Variants in SAMD12 observed in about 807,000 individuals in gnomAD.
SAMD12 encodes sterile alpha motif domain containing 12, also known as sterile alpha motif domain-containing protein 12.
In SAMD12, 9 loss-of-function variants were observed where a neutral mutation model predicts 15.0. That is an observed-to-expected ratio of 0.60 (90% CI 0.36 to 1.05). SAMD12 has a LOEUF of 1.05. Ranked by LOEUF, SAMD12 falls within the 50% of genes least tolerant of loss-of-function variation. SAMD12 has a pLI of 0.01. For synonymous variants in SAMD12, 86 were observed against 90.1 expected (o/e 0.96, Z 0.25); for missense variants, 230 against 234.2 (o/e 0.98, Z 0.12).
At chr8:118,483,545 T>C (rs1300018943) in intron 2 of SAMD12, among the ~76,000 whole-genome samples, 3 of 147,358 alleles carry the variant, frequency 2.0e-5, no homozygotes, top group East Asian at 3.9e-4. Context: ...TTTTATTTAG[T>C]AGTAAGTAGT....
At position 118,470,259 on chromosome 8, in the gene SAMD12, A is replaced by ATTT. The variant is rs1319404337; in HGVS notation, c.193-30299_193-30298insAAA. Among the ~76,000 whole-genome samples, 530 of 143,626 alleles carry ATTT rather than the reference A, an allele frequency of 3.7e-3. 3 individuals carry two copies. The highest frequency in any genetic ancestry group is 0.011 in the Middle Eastern group (3 of 278). 94.2% of individuals were successfully genotyped at this position (143,626 alleles called of 152,430 possible). A position where few individuals can be genotyped will look rare whatever the true frequency, so the allele number is the denominator to read the frequency against. On this transcript the variant is annotated intron_variant, in intron 2 of 3. Transcript: ENST00000314727. Reference sequence around the variant, plus strand: ...ATATGTTATCTTTTTTTTTTTTTTAAAAAAAAAGGAGGTTTATGTTCATGT... The same window carrying ATTT: ...ATATGTTATCTTTTTTTTTTTTTTAATTTAAAAAAAGGAGGTTTATGTTCATGT...
intron 2 of SAMD12, among the ~76,000 whole-genome samples, chr8:118,509,610 A>G (rs1477254313): frequency 6.6e-6 from 1 of 152,190 alleles, no homozygotes; most frequent in Non-Finnish European, 1.5e-5. Flanking sequence ...CTAAAACTCA[A>G]AATGTAGCAT....
intron 4 of SAMD12, among the ~76,000 whole-genome samples, chr8:118,341,604 C>T (rs1365996016): frequency 3.9e-5 from 6 of 152,060 alleles, no homozygotes; most frequent in South Asian, 2.1e-4. Flanking sequence ...TTTCTGGTGC[C>T]GGCTGCAGAT....
intron 2 of SAMD12, among the ~76,000 whole-genome samples, chr8:118,566,047 TAG>T (rs1366834334): frequency 7.2e-5 from 11 of 152,224 alleles, no homozygotes; most frequent in Non-Finnish European, 1.3e-4. Flanking sequence ...GCGGAGCAGC[TAG>T]AGTCTTCTCT....
At chr8:118,537,721 C>G (rs1012184734) in intron 2 of SAMD12, among the ~76,000 whole-genome samples, 1 of 152,222 alleles carries the variant, frequency 6.6e-6, no homozygotes, top group East Asian at 1.9e-4. Flanking sequence ...TTCCTCAACA[C>G]AGCGATTTTG....
chr8:118,514,219 T>C (rs1825166239), intron 2 of SAMD12, among the ~76,000 whole-genome samples: 1 of 152,196 alleles, frequency 6.6e-6, no homozygotes, highest in South Asian at 2.1e-4. Context: ...TGAAGTTCCC[T>C]AAGATGGGCT....
chr8:118,564,213 C>G (rs183411734), intron 2 of SAMD12, among the ~76,000 whole-genome samples: 4 of 151,550 alleles, frequency 2.6e-5, no homozygotes, highest in Non-Finnish European at 5.9e-5. Flanking sequence ...ACCTGCCCGC[C>G]GACTCCTCAA....
chr8:118,570,089 C>T (rs1826966406), intron 2 of SAMD12, among the ~76,000 whole-genome samples: 1 of 152,144 alleles, frequency 6.6e-6, no homozygotes, highest in African/African-American at 2.4e-5. Flanking sequence ...CGGGAGCCAG[C>T]TGATGCTTAC....
downstream of SAMD12, among the ~76,000 whole-genome samples, chr8:118,377,363 A>C (rs1460527735): frequency 6.6e-6 from 1 of 152,134 alleles, no homozygotes; most frequent in Non-Finnish European, 1.5e-5. Flanking sequence ...GCGCCACTGC[A>C]CTCCAGCTGG....
intron 2 of SAMD12, among the ~76,000 whole-genome samples, chr8:118,486,322 A>G (rs1203056421): frequency 6.6e-6 from 1 of 152,048 alleles, no homozygotes. Flanking sequence ...AGGCTGAGGC[A>G]GGAGAATGGC....
At chr8:118,551,963 C>A (rs1198149072) in intron 2 of SAMD12, among the ~76,000 whole-genome samples, 1 of 151,364 alleles carries the variant, frequency 6.6e-6, no homozygotes, top group East Asian at 1.9e-4. Flanking sequence ...TACACTCTCC[C>A]AAGACTAAAC....
intron 2 of SAMD12, among the ~76,000 whole-genome samples, chr8:118,453,474 A>T (rs1487624207): frequency 2.0e-5 from 3 of 152,122 alleles, no homozygotes; most frequent in Non-Finnish European, 4.4e-5. Flanking sequence ...GCCACAGTTT[A>T]ATTCATATTC....
At chr8:118,308,045 C>G (rs1370837302) in intron 4 of SAMD12, among the ~76,000 whole-genome samples, 1 of 152,214 alleles carries the variant, frequency 6.6e-6, no homozygotes, top group Admixed American at 6.5e-5. Flanking sequence ...GAGAGAACAT[C>G]AGGCCTCATG....
chr8:118,155,652 G>A, the SAMD12 span, among the ~76,000 whole-genome samples: 1 of 152,222 alleles, frequency 6.6e-6, no homozygotes, highest in Non-Finnish European at 1.5e-5. Flanking sequence ...GTGTATTACT[G>A]TATTGCTAAA....
the SAMD12 span, among the ~76,000 whole-genome samples, chr8:118,153,725 G>C: frequency 6.6e-6 from 1 of 152,112 alleles, no homozygotes; most frequent in Non-Finnish European, 1.5e-5. Flanking sequence ...ATGGGTTGAG[G>C]ATTACTCTAG....
chr8:118,356,786 T>C (rs1046212529), intron 4 of SAMD12, among the ~76,000 whole-genome samples: 7 of 152,200 alleles, frequency 4.6e-5, no homozygotes, highest in African/African-American at 1.7e-4. Flanking sequence ...GACAACTCTC[T>C]GCTTCATGCT....
intron 4 of SAMD12, among the ~76,000 whole-genome samples, chr8:118,368,090 T>G (rs926898312): frequency 1.3e-5 from 2 of 152,192 alleles, no homozygotes; most frequent in Admixed American, 1.3e-4. Context: ...TAAAGCTCAT[T>G]CCAAGGAGAA....
chr8:118,480,928 T>C (rs537422336), intron 2 of SAMD12, among the ~76,000 whole-genome samples: 1 of 152,240 alleles, frequency 6.6e-6, no homozygotes, highest in Admixed American at 6.5e-5. Flanking sequence ...TTTATTCTCA[T>C]CTTTCAAGCC....
chr8:118,610,283 T>G (rs1828074502), intron 1 of SAMD12, among the ~76,000 whole-genome samples: 1 of 152,218 alleles, frequency 6.6e-6, no homozygotes, highest in Non-Finnish European at 1.5e-5. Flanking sequence ...CAGAGCCCAA[T>G]TAAGTAATTT....
Sources: allele counts gnomAD v4.1 joint callset (sites outside exome capture counted in the v4.1 genomes callset), GRCh38; gene constraint gnomAD v4.1.1; transcripts MANE v1.5; gene names NCBI Gene and HGNC (gene_info 2026-07-23, HGNC 2026-07-21).